The following CATSPERT variants were observed in gnomAD, a reference collection of about 807,000 sequenced individuals.
The protein encoded by CATSPERT is catsper channel auxiliary subunit tau.
At chr2:201,564,008 G>A in the CATSPERT span, among the ~76,000 whole-genome samples, 3 of 152,164 alleles carry the variant, frequency 2.0e-5, no homozygotes, top group Non-Finnish European at 2.9e-5. Context: ...AACGATGTGA[G>A]AACAAAAACC....
the CATSPERT span, among the ~76,000 whole-genome samples, chr2:201,567,467 C>G: frequency 3.3e-4 from 50 of 152,138 alleles, no homozygotes; most frequent in Non-Finnish European, 6.5e-4. Context: ...CAAAGTTAAT[C>G]AGCAAGCTGG....
chr2:201,565,683 T>C, the CATSPERT span: 4 of 1,491,692 alleles, frequency 2.7e-6, no homozygotes, highest in Non-Finnish European at 3.6e-6. Flanking sequence ...ACACCTAAGA[T>C]GAAAATTTTG....
At chr2:201,614,795 G>T in the CATSPERT span, among the ~76,000 whole-genome samples, 1 of 152,152 alleles carries the variant, frequency 6.6e-6, no homozygotes, top group African/African-American at 2.4e-5. Flanking sequence ...ACCCATCAGT[G>T]TGCTGTATTT....
the CATSPERT span, among the ~76,000 whole-genome samples, chr2:201,609,701 G>A: frequency 1.3e-5 from 2 of 152,066 alleles, no homozygotes; most frequent in African/African-American, 4.8e-5. Context: ...GTGCTAAGAG[G>A]GAAGATTATA....
the CATSPERT span, among the ~76,000 whole-genome samples, chr2:201,615,422 A>T: frequency 6.6e-6 from 1 of 152,234 alleles, no homozygotes; most frequent in African/African-American, 2.4e-5. Flanking sequence ...CTGCTCAACT[A>T]CATGGAAACT....
the CATSPERT span, among the ~76,000 whole-genome samples, chr2:201,567,914 T>G: frequency 6.6e-5 from 10 of 152,218 alleles, no homozygotes; most frequent in Admixed American, 2.0e-4. Context: ...CTGGACCTGT[T>G]GCAGAGCCTT....
the CATSPERT span, among the ~76,000 whole-genome samples, chr2:201,576,544 A>G: frequency 1.2e-4 from 18 of 151,960 alleles, no homozygotes; most frequent in African/African-American, 4.1e-4. Context: ...CTTTTCTCCT[A>G]TTTCTTTTTC....
At chr2:201,545,655 A>AG in the CATSPERT span, 4 of 811,944 alleles carry the variant, frequency 4.9e-6, no homozygotes, top group African/African-American at 2.0e-5. Context: ...AAAAAAAAAG[A>AG]AAAAAAAATA....
At chr2:201,513,891 C>A in the CATSPERT span, among the ~76,000 whole-genome samples, 1 of 152,144 alleles carries the variant, frequency 6.6e-6, no homozygotes, top group South Asian at 2.1e-4. Flanking sequence ...AATTAAATTA[C>A]AGTCATTTCT....
the CATSPERT span, chr2:201,582,172 G>T: frequency 6.2e-7 from 1 of 1,607,820 alleles, no homozygotes; most frequent in Non-Finnish European, 8.5e-7. Context: ...TATTGTATGA[G>T]TTCCAATAAA....
the CATSPERT span, chr2:201,534,639 TA>T: frequency 1.1e-5 from 11 of 984,688 alleles, no homozygotes; most frequent in Non-Finnish European, 1.3e-5. Context: ...AATCATTATT[TA>T]AAAGACCATT....
chr2:201,574,294 T>G, the CATSPERT span: 1 of 1,585,686 alleles, frequency 6.3e-7, no homozygotes, highest in Non-Finnish European at 8.6e-7. Flanking sequence ...ATGTGATAAA[T>G]TTTATTGTTT....
the CATSPERT span, among the ~76,000 whole-genome samples, chr2:201,565,338 G>C: frequency 2.0e-5 from 3 of 151,448 alleles, no homozygotes; most frequent in Non-Finnish European, 4.4e-5. Context: ...GTGTGGTGAT[G>C]TGTGATGTGT....
chr2:201,519,378 C>T, the CATSPERT span, among the ~76,000 whole-genome samples: 2 of 152,126 alleles, frequency 1.3e-5, no homozygotes, highest in African/African-American at 4.8e-5. Context: ...ATAAGTCTTT[C>T]CCTACAAAAC....
chr2:201,536,083 A>G, the CATSPERT span: 1 of 1,613,374 alleles, frequency 6.2e-7, no homozygotes, highest in Non-Finnish European at 8.5e-7. Context: ...TTTACTTCTA[A>G]TGGAAAAAAT....
At chr2:201,591,423 C>T in the CATSPERT span, among the ~76,000 whole-genome samples, 632 of 152,278 alleles carry the variant, frequency 4.2e-3, 6 homozygotes, top group African/African-American at 0.014. Flanking sequence ...TAGTGTGATG[C>T]CTCCAGCTTT....
At chr2:201,537,539 T>C in the CATSPERT span, 91 of 1,242,924 alleles carry the variant, frequency 7.3e-5, 1 homozygote, top group South Asian at 5.9e-4. Context: ...CACATATGTA[T>C]GTACATTAAT....
the CATSPERT span, among the ~76,000 whole-genome samples, chr2:201,498,223 A>C: frequency 6.6e-6 from 1 of 152,198 alleles, no homozygotes; most frequent in Non-Finnish European, 1.5e-5. Context: ...AGAAGCCAGT[A>C]GTGGCTCAAT....
chr2:201,582,919 C>G, the CATSPERT span, among the ~76,000 whole-genome samples: 2 of 152,070 alleles, frequency 1.3e-5, no homozygotes, highest in Non-Finnish European at 2.9e-5. Flanking sequence ...CTGTCTTCCC[C>G]CAAGAAATGA....
Sources: allele counts gnomAD v4.1 joint callset (sites outside exome capture counted in the v4.1 genomes callset), GRCh38; gene constraint gnomAD v4.1.1; transcripts MANE v1.5; gene names NCBI Gene and HGNC (gene_info 2026-07-23, HGNC 2026-07-21).